The following CDH13 variants were observed in gnomAD, a reference collection of about 807,000 sequenced individuals.
CDH13 encodes cadherin 13.
Under a neutral mutation model 63.8 loss-of-function variants are expected in CDH13, and 24 were observed. The ratio of observed to expected loss-of-function variants is 0.38; its 90% CI spans 0.27 to 0.53. The LOEUF (loss-of-function observed/expected upper bound fraction) is 0.53. CDH13 is among the 20% of genes least tolerant of loss of function. The pLI is 0.85. For missense variants in CDH13, 1,049 were observed against 903.1 expected (o/e 1.16, Z -2.07); for synonymous variants, 503 against 355.3 (o/e 1.42, Z -4.67).
At chr16:83,472,612 A>G (rs1244542835) in intron 6 of CDH13, among the ~76,000 whole-genome samples, 6 of 152,194 alleles carry the variant, frequency 3.9e-5, no homozygotes. Context: ...TGTGGGGAGC[A>G]GGTGCCTTTG....
chr16:82,977,948 A>G (rs561322198), intron 2 of CDH13, among the ~76,000 whole-genome samples: 2 of 152,306 alleles, frequency 1.3e-5, no homozygotes, highest in South Asian at 2.1e-4. Flanking sequence ...TGATAGTGAT[A>G]TGGACAATGA....
chr16:82,864,802 C>A (rs1157175839), intron 2 of CDH13, among the ~76,000 whole-genome samples: 1 of 152,170 alleles, frequency 6.6e-6, no homozygotes, highest in Non-Finnish European at 1.5e-5. Context: ...AGTCTTAATT[C>A]ATTCTGGCAT....
At chr16:82,981,499 G>C (rs1910260172) in intron 2 of CDH13, among the ~76,000 whole-genome samples, 1 of 151,910 alleles carries the variant, frequency 6.6e-6, no homozygotes, top group South Asian at 2.1e-4. Context: ...TCTCCTCCTG[G>C]GGTAAAGAGT....
chr16:82,824,826 A>C (rs1249945396), intron 1 of CDH13: 1 of 152,250 alleles, frequency 6.6e-6, no homozygotes, highest in Non-Finnish European at 1.5e-5. Context: ...ACTGCAAAAA[A>C]ATTTGTTAGA....
intron 7 of CDH13, among the ~76,000 whole-genome samples, chr16:83,570,358 C>G (rs1260619437): frequency 6.6e-6 from 1 of 152,160 alleles, no homozygotes; most frequent in Non-Finnish European, 1.5e-5. Flanking sequence ...CACCTGGTCT[C>G]TGATGACACT....
intron 7 of CDH13, among the ~76,000 whole-genome samples, chr16:83,530,852 C>T (rs563648052): frequency 1.3e-5 from 2 of 152,162 alleles, no homozygotes; most frequent in Non-Finnish European, 1.5e-5. Flanking sequence ...AGAGAGGAAC[C>T]CATCAGGCAG....
intron 6 of CDH13, among the ~76,000 whole-genome samples, chr16:83,377,412 A>G (rs998605893): frequency 6.6e-6 from 1 of 152,188 alleles, no homozygotes; most frequent in South Asian, 2.1e-4. Context: ...CTATGTGGAT[A>G]TAAATTATAG....
intron 8 of CDH13, among the ~76,000 whole-genome samples, chr16:83,628,901 CT>C (rs1415709086): frequency 1.3e-5 from 2 of 152,144 alleles, no homozygotes; most frequent in Non-Finnish European, 2.9e-5. Context: ...ATGCTTCTGG[CT>C]TTTAGAATCA....
intron 6 of CDH13, among the ~76,000 whole-genome samples, chr16:83,409,824 GT>G (rs2092101049): frequency 6.6e-6 from 1 of 152,244 alleles, no homozygotes; most frequent in South Asian, 2.1e-4. Context: ...TGGGATATCA[GT>G]AAGTCTGGGT....
chr16:82,710,532 C>CAAAAAAAAA (rs71913517), intron 1 of CDH13, among the ~76,000 whole-genome samples: 1 of 55,908 alleles, frequency 1.8e-5, no homozygotes, highest in Non-Finnish European at 3.1e-5. Flanking sequence ...GACTCTGTCT[C>CAAAAAAAAA]AAAAAAAAAA....
chr16:83,674,670 C>T (rs1036412785), intron 9 of CDH13, among the ~76,000 whole-genome samples: 3 of 152,194 alleles, frequency 2.0e-5, no homozygotes, highest in African/African-American at 7.2e-5. Flanking sequence ...TATTTGGAGT[C>T]TCAGGATGCT....
intron 4 of CDH13, among the ~76,000 whole-genome samples, chr16:83,154,718 C>T (rs2037135783): frequency 6.6e-6 from 1 of 152,168 alleles, no homozygotes. Flanking sequence ...ATTAATTAGA[C>T]ACAGACCCTG....
At chr16:83,758,105 G>T (rs1913664277) in intron 11 of CDH13, among the ~76,000 whole-genome samples, 1 of 151,640 alleles carries the variant, frequency 6.6e-6, no homozygotes, top group Non-Finnish European at 1.5e-5. Context: ...AAATGTTCTT[G>T]AAAACCAAAA....
chr16:83,511,461 CAAAAA>C (rs112318380), intron 7 of CDH13, among the ~76,000 whole-genome samples: 1 of 131,138 alleles, frequency 7.6e-6, no homozygotes, highest in Admixed American at 7.8e-5. Flanking sequence ...GATTCCATCT[CAAAAA>C]AAAAAAAAAG....
chr16:83,301,025 G>GGTTTTTTTTT (rs3052592), intron 5 of CDH13, among the ~76,000 whole-genome samples: 1 of 78,756 alleles, frequency 1.3e-5, no homozygotes, highest in African/African-American at 5.4e-5. Context: ...ACTTTCTGGG[G>GGTTTTTTTTT]TTTTTTTTTT....
At chr16:82,740,853 C>T (rs2033894974) in intron 1 of CDH13, among the ~76,000 whole-genome samples, 1 of 152,076 alleles carries the variant, frequency 6.6e-6, no homozygotes, top group Admixed American at 6.5e-5. Flanking sequence ...GCAAAAGCCT[C>T]CATATGGGGA....
intron 2 of CDH13, chr16:82,990,171 G>A (rs958820763): frequency 1.3e-5 from 2 of 152,002 alleles, no homozygotes; most frequent in Admixed American, 1.3e-4. Flanking sequence ...AGAAGTCAGA[G>A]AGCCAACTGC....
chr16:83,752,239 T>C (rs1913148053), intron 11 of CDH13, among the ~76,000 whole-genome samples: 1 of 152,332 alleles, frequency 6.6e-6, no homozygotes, highest in East Asian at 1.9e-4. Flanking sequence ...TGAAATTTTT[T>C]GTGCAATTAT....
intron 2 of CDH13, among the ~76,000 whole-genome samples, chr16:82,955,567 G>T (rs904266899): frequency 6.6e-6 from 1 of 151,416 alleles, no homozygotes; most frequent in Non-Finnish European, 1.5e-5. Flanking sequence ...TATACAGGTG[G>T]CAGTTCATTA....
Sources: gnomAD v4.1 joint callset for allele counts (sites outside exome capture counted in the v4.1 genomes callset) on GRCh38, gnomAD v4.1.1 for gene constraint, MANE v1.5 for transcripts, NCBI Gene and HGNC (gene_info 2026-07-23, HGNC 2026-07-21) for gene names.